The following SLC19A3 variants were observed in gnomAD, a reference collection of about 807,000 sequenced individuals.
SLC19A3 encodes the protein thiamine transporter 2.
SLC19A3 carries 31 observed loss-of-function variants against 40.2 expected under a neutral mutation model. The observed-to-expected ratio is 0.77, with a 90% CI of 0.58 to 1.04. SLC19A3 has a LOEUF of 1.04. Ranked by LOEUF, SLC19A3 falls within the 50% of genes least tolerant of loss-of-function variation. SLC19A3 has a pLI of 0.00. For synonymous variants in SLC19A3, 212 were observed against 227.5 expected (o/e 0.93, Z 0.61); for missense variants, 592 against 596.7 (o/e 0.99, Z 0.08).
intron 4 of SLC19A3, among the ~76,000 whole-genome samples, chr2:227,692,786 T>C (rs1186544982): frequency 6.6e-6 from 1 of 152,192 alleles, no homozygotes; most frequent in Admixed American, 6.5e-5. Flanking sequence ...GACGATATGA[T>C]CTTACATTTA....
intron 2 of SLC19A3, chr2:227,701,881 A>G: frequency 2.8e-6 from 1 of 358,822 alleles, no homozygotes; most frequent in Non-Finnish European, 5.2e-6. Flanking sequence ...TAGGATTAGT[A>G]TAATAGAATC....
chr2:227,693,151 C>T (rs1391472181), intron 4 of SLC19A3, among the ~76,000 whole-genome samples: 1 of 151,884 alleles, frequency 6.6e-6, no homozygotes, highest in Non-Finnish European at 1.5e-5. Context: ...CAATGCAATC[C>T]CTATTAAAAT....
Position 227,686,340 on chromosome 2 carries a change from T to TGAG in SLC19A3, c.*1054_*1056dup, listed in dbSNP as rs1695014582. On this transcript the variant is annotated 3_prime_UTR_variant, in exon 6 of 6. Transcript: ENST00000644224. ...GTGCTCTTTTTTGGGAGGAGGGGGA[T>TGAG]GAGAGTCTTACTCTGTTGCCCAGGC... 1 of 287,624 alleles carries TGAG rather than the reference T, an allele frequency of 3.5e-6. No individual in the cohort carries two copies. The highest frequency in any genetic ancestry group is 2.3e-5 in the African/African-American group (1 of 43,820). 17.8% of individuals were successfully genotyped at this position (287,624 alleles called of 1,614,324 possible).
At chr2:227,711,286 G>C (rs1377244254) in intron 1 of SLC19A3, among the ~76,000 whole-genome samples, 1 of 152,020 alleles carries the variant, frequency 6.6e-6, no homozygotes, top group Non-Finnish European at 1.5e-5. Context: ...TGGGCATGGT[G>C]GTGGGTTCCT....
rs1174831436 is a variant in SLC19A3, at chr2:227,703,457, T to C, written c.-2-1137A>G. ...AATTCCTCTCTTAAGTTCAATAGGG[T>C]AAACACTGTTTATGTCAACAAAGCC... On this transcript the variant is annotated intron_variant, in intron 1 of 5. Coordinates refer to ENST00000644224, the MANE Select transcript of SLC19A3 (RefSeq NM_025243.4). The surrounding 1 kb of genome is among the most constrained non-coding windows in gnomAD (Gnocchi z 4.7). Among the ~76,000 whole-genome samples the C allele has an allele frequency of 6.6e-6, 1 of 152,132 alleles. No homozygotes were observed. Among genetic ancestry groups the C allele is most frequent in the Non-Finnish European group, 1.5e-5 (1 of 68,012 alleles).
intron 1 of SLC19A3, chr2:227,714,362 G>T (rs1272935193): frequency 1.1e-6 from 1 of 922,800 alleles, no homozygotes; most frequent in Non-Finnish European, 1.3e-6. Flanking sequence ...AATAAACCTT[G>T]TAAGTCTGGC....
intron 2 of SLC19A3, among the ~76,000 whole-genome samples, chr2:227,700,298 G>C (rs1391253524): frequency 6.6e-6 from 1 of 151,900 alleles, no homozygotes; most frequent in Non-Finnish European, 1.5e-5. Context: ...CAGCACCTTG[G>C]GAGGCCGAGG....
At position 227,695,875 on chromosome 2, in the gene SLC19A3, T is replaced by C. The variant is rs778986315; in HGVS notation, c.1172+14A>G. The C allele has an allele frequency of 1.4e-5, 23 of 1,612,048 alleles. No individual in the cohort carries two copies. The South Asian group carries it at 2.5e-4, about 18-fold the overall frequency. On this transcript the variant is annotated intron_variant, in intron 4 of 5. Transcript: ENST00000644224. Reference sequence around the variant, plus strand: ...GAATACAGTTCAGTTTTAGGAGTGGTTGGTAAAACTTACACTGCTATGGTT... The same window carrying C: ...GAATACAGTTCAGTTTTAGGAGTGGCTGGTAAAACTTACACTGCTATGGTT...
chr2:227,715,783 C>T (rs912687565), intron 1 of SLC19A3, among the ~76,000 whole-genome samples: 1 of 151,800 alleles, frequency 6.6e-6, no homozygotes, highest in South Asian at 2.1e-4. Flanking sequence ...GACCTCACCT[C>T]TATAAAAAAT....
intron 1 of SLC19A3, among the ~76,000 whole-genome samples, chr2:227,707,313 G>A (rs1695981791): frequency 2.0e-5 from 3 of 152,164 alleles, no homozygotes; most frequent in Admixed American, 6.5e-5. Flanking sequence ...AGCCAGGCGC[G>A]GTGGCTTATG....
At chr2:227,697,111 T>C (rs79885793) in intron 3 of SLC19A3, among the ~76,000 whole-genome samples, 2,913 of 152,002 alleles carry the variant, frequency 0.019, 104 homozygotes, top group African/African-American at 0.066. Flanking sequence ...ATTACTACAT[T>C]GACATATGAC....
chr2:227,701,317 G>A (rs1313600957), intron 2 of SLC19A3: 1 of 221,358 alleles, frequency 4.5e-6, no homozygotes, highest in East Asian at 1.4e-4. Context: ...TTTTCTTGTT[G>A]TACTTCTTAT....
At chr2:227,717,284 G>C (rs1696366998) in intron 1 of SLC19A3, among the ~76,000 whole-genome samples, 2 of 152,160 alleles carry the variant, frequency 1.3e-5, no homozygotes, top group African/African-American at 2.4e-5. Context: ...TTACAGGCGT[G>C]AGCCACTGCG....
rs1467114823 is a variant in SLC19A3, at chr2:227,703,934, G to A, written c.-2-1614C>T. On this transcript the variant is annotated intron_variant, in intron 1 of 5. Transcript: ENST00000644224. This position sits in a 1 kb window ranked among gnomAD's most constrained non-coding sequence, Gnocchi z 4.7. Reference sequence around the variant, plus strand: ...GATTATCTATCTTTTTATTTCTTTAGGTTTCTAATACAGCTGTCCAAATCG... The same window carrying A: ...GATTATCTATCTTTTTATTTCTTTAAGTTTCTAATACAGCTGTCCAAATCG... Among the ~76,000 whole-genome samples the A allele has an allele frequency of 6.6e-6, 1 of 151,688 alleles. No homozygotes were observed. The highest frequency in any genetic ancestry group is 1.5e-5 in the Non-Finnish European group (1 of 67,988).
At position 227,703,280 on chromosome 2, in the gene SLC19A3, G is replaced by A. The variant is rs768219969; in HGVS notation, c.-2-960C>T. On this transcript the variant is annotated intron_variant, in intron 1 of 5. Coordinates refer to ENST00000644224, the MANE Select transcript of SLC19A3 (RefSeq NM_025243.4). This position sits in a 1 kb window ranked among gnomAD's most constrained non-coding sequence, Gnocchi z 4.7. Reference sequence around the variant, plus strand: ...AGAGAAGGAAAAGCATTCTCATTCCGGAATAGCAAGTCTTACCTGGGTGGA... The same window carrying A: ...AGAGAAGGAAAAGCATTCTCATTCCAGAATAGCAAGTCTTACCTGGGTGGA... Among the ~76,000 whole-genome samples the A allele has an allele frequency of 3.3e-5, 5 of 152,190 alleles. No homozygotes were observed. The highest frequency in any genetic ancestry group is 4.8e-5 in the African/African-American group (2 of 41,456).
intron 1 of SLC19A3, among the ~76,000 whole-genome samples, chr2:227,715,677 G>T (rs34295884): frequency 0.15 from 22,299 of 152,144 alleles, 2,156 homozygotes; most frequent in South Asian, 0.33. Context: ...TAGTCTTAGG[G>T]AGAGCAGGAG....
chr2:227,698,819 A>G lies in SLC19A3; in HGVS notation c.896T>C (p.Val299Ala), dbSNP rs1559249124. ...CGCCTTGTAATCCCACAGGATTTGA[A>G]CATAGTTCAAAACCTGGTTAAAACC... Reference protein sequence around the residue: ...TAGFNQVLNYVQILWDYKAPS... With the variant: ...TAGFNQVLNYAQILWDYKAPS... Residue 299 changes from valine to alanine, a missense_variant, in exon 3 of 6, where the codon GTT becomes GCT. By Grantham distance (64) the Val-to-Ala change is moderately conservative. Transcript: ENST00000644224. 1 of 1,614,234 alleles carries G rather than the reference A, an allele frequency of 6.2e-7. No homozygotes were observed. The highest frequency in any genetic ancestry group is 8.5e-7 in the Non-Finnish European group (1 of 1,180,044).
chr2:227,712,383 TA>T (rs34054134), intron 1 of SLC19A3, among the ~76,000 whole-genome samples: 109,295 of 152,012 alleles, frequency 0.72, 40,272 homozygotes, highest in East Asian at 0.92. Context: ...TCAATAAGAA[TA>T]GATGAACAAA....
chr2:227,702,078 CTT>C, intron 2 of SLC19A3, 89 bp downstream of exon 2: 1 of 1,035,068 alleles, frequency 9.7e-7, no homozygotes, highest in Non-Finnish European at 1.5e-6. Context: ...ATGTGTTCAT[CTT>C]ATATCAAGTT....
Sources: allele counts gnomAD v4.1 joint callset (sites outside exome capture counted in the v4.1 genomes callset), GRCh38; gene constraint gnomAD v4.1.1; non-coding constraint Gnocchi (gnomAD v3.1); transcripts MANE v1.5; gene names NCBI Gene and HGNC (gene_info 2026-07-23, HGNC 2026-07-21).